Variants in PSMD12 observed in about 807,000 individuals in gnomAD.
PSMD12 encodes the protein 26S proteasome non-ATPase regulatory subunit 12.
In PSMD12, 8 loss-of-function variants were observed where a neutral mutation model predicts 62.9. The observed-to-expected ratio is 0.13, with a 90% CI of 0.07 to 0.23. The LOEUF (loss-of-function observed/expected upper bound fraction) is 0.23. PSMD12 is among the 10% of genes least tolerant of loss of function. The pLI is 1.00. For missense variants in PSMD12, 424 were observed against 550.2 expected (o/e 0.77, Z 2.29); for synonymous variants, 173 against 187.4 (o/e 0.92, Z 0.63).
chr17:67,348,676 A>G (rs767815766), intron 4 of PSMD12, 22 bp from the exon 5 acceptor site: 1 of 1,591,518 alleles, frequency 6.3e-7, no homozygotes, highest in South Asian at 1.1e-5. Flanking sequence ...AAATTTACAC[A>G]ATCAAAATTC....
chr17:67,357,770 G>A (rs539854288), intron 1 of PSMD12, among the ~76,000 whole-genome samples, 192 bp from the exon 2 acceptor site: 15 of 152,318 alleles, frequency 9.8e-5, no homozygotes, highest in African/African-American at 3.4e-4. Flanking sequence ...CCATCAGTCA[G>A]TGGTTCCCTA....
rs534906008 is a variant in PSMD12 at position 67,339,281 on chromosome 17, T to C, written c.*1562A>G. The C allele has an allele frequency of 7.3e-6, 1 of 136,408 alleles. No individual in the cohort carries two copies. Among genetic ancestry groups the C allele is most frequent in the South Asian group, 2.2e-4 (1 of 4,532 alleles). 8.4% of individuals were successfully genotyped at this position (136,408 alleles called of 1,614,324 possible). On this transcript the variant is annotated 3_prime_UTR_variant, in exon 11 of 11. Transcript: ENST00000356126. ...CGCCACCACGCCCGGCAAATTTTTG[T>C]ATTTTTTTTAGTAGAGACAGGGTTT...
intron 7 of PSMD12, among the ~76,000 whole-genome samples, chr17:67,346,107 A>C (rs977145002): frequency 2.0e-5 from 3 of 151,716 alleles, no homozygotes; most frequent in African/African-American, 7.3e-5. Flanking sequence ...ATAAAAAAAA[A>C]TTAGGCCGGG....
intron 1 of PSMD12, among the ~76,000 whole-genome samples, chr17:67,361,889 AAAAAAAAAAAAAAAAAAAAAGG>A (rs1196560628): frequency 8.4e-5 from 11 of 131,036 alleles, no homozygotes; most frequent in Non-Finnish European, 8.4e-5. Context: ...AAAAAAAAAA[AAAAAAAAAAAAAAAAAAAAAGG>A]AAGGAAGGAA....
intron 3 of PSMD12, chr17:67,355,385 C>T (rs1399696404): frequency 6.6e-6 from 1 of 152,202 alleles, no homozygotes; most frequent in South Asian, 2.1e-4. Context: ...ATCCACTGCA[C>T]TGAGCCAACA....
At chr17:67,365,031 T>C (rs1329252051) in intron 1 of PSMD12, among the ~76,000 whole-genome samples, 1 of 151,904 alleles carries the variant, frequency 6.6e-6, no homozygotes, top group Non-Finnish European at 1.5e-5. Context: ...CTACTAAAAG[T>C]ACAAAAATTA....
In PSMD12 at chr17:67,340,745, CAAAG is replaced by C. The variant is rs751604472; in HGVS notation, c.*94_*97del. 118 of 931,196 alleles carry C rather than the reference CAAAG, an allele frequency of 1.3e-4. No individual in the cohort carries two copies. Among genetic ancestry groups the C allele is most frequent in the Non-Finnish European group, 1.7e-4 (110 of 654,600 alleles). 57.7% of individuals were successfully genotyped at this position (931,196 alleles called of 1,614,324 possible). ...ATATTCACTATTTTAAAATTTAAGA[CAAAG>C]AAGCTTAGAAAAAAAACCCCAACAT... On this transcript the variant is annotated 3_prime_UTR_variant, in exon 11 of 11. Transcript: ENST00000356126.
chr17:67,349,723 G>A (rs1313953326), intron 4 of PSMD12, among the ~76,000 whole-genome samples: 1 of 152,156 alleles, frequency 6.6e-6, no homozygotes, highest in Non-Finnish European at 1.5e-5. Context: ...TATAAGTAAT[G>A]TTAGTAGATT....
Position 67,344,655 on chromosome 17 carries a change from T to C in PSMD12, c.1034A>G (p.Glu345Gly). ...GTCTTTCCACCTTTTTTCACCTTCC[T>C]CTGTAGAACCAAAAACATCCGTTGC... ...SPATDVFGST[E>G]EGEKRWKDLK... The change falls in exon 9 of 11, where the codon GAG becomes GGG. Residue 345 changes from glutamate (E) to glycine (G), a missense_variant. Physicochemically the swap from Glu to Gly is moderately conservative, Grantham distance 98 (BLOSUM62 -2). Transcript: ENST00000356126. 1 of 1,613,404 alleles carries C rather than the reference T, an allele frequency of 6.2e-7. No homozygotes were observed. Among genetic ancestry groups the C allele is most frequent in the Non-Finnish European group, 8.5e-7 (1 of 1,179,526 alleles).
At chr17:67,353,233 C>T (rs2042034714) in intron 3 of PSMD12, among the ~76,000 whole-genome samples, 1 of 152,158 alleles carries the variant, frequency 6.6e-6, no homozygotes, top group South Asian at 2.1e-4. Context: ...GAGTGACAGA[C>T]AATGAATATA....
In PSMD12 at chr17:67,344,985, A is replaced by C. The variant is rs554910873; in HGVS notation, c.909-205T>G. 7.2e-5 allele frequency among the ~76,000 whole-genome samples: 11 copies of C among 152,360 alleles called. No homozygotes were observed. The East Asian group carries it at 2.1e-3, about 29-fold the overall frequency. ...TCAGAATACAGCATTCTCCCACTTAACACTCTGCTCTCTTCTGCACTGTCA... is the reference window on the plus strand; with the variant it reads ...TCAGAATACAGCATTCTCCCACTTACCACTCTGCTCTCTTCTGCACTGTCA... On this transcript the variant is annotated intron_variant, in intron 8 of 10. Transcript: ENST00000356126.
At chr17:67,352,036 G>A (rs1248002947) in intron 3 of PSMD12, among the ~76,000 whole-genome samples, 4 of 146,584 alleles carry the variant, frequency 2.7e-5, no homozygotes, top group East Asian at 2.0e-4. Flanking sequence ...AGCCAAGATC[G>A]CACCACTGCA....
rs1278132359 is a variant in PSMD12 at position 67,338,032 on chromosome 17, AT to A, written c.*2810del. 5.9e-5 allele frequency: 9 copies of A among 152,254 alleles called. No individual in the cohort carries two copies. The highest frequency in any genetic ancestry group is 5.9e-4 in the Admixed American group (9 of 15,284). The allele number at this position is 152,254 out of a possible 1,614,324, so 9.4% of individuals were successfully genotyped here. A position where few individuals can be genotyped will look rare whatever the true frequency, so the allele number is the denominator to read the frequency against. ...AATTTAAAATATGTACTTTTATCACATTTAACACTTACAAGAGAGAAAATGG... is the reference window on the plus strand; with the variant it reads ...AATTTAAAATATGTACTTTTATCACATTAACACTTACAAGAGAGAAAATGG... On this transcript the variant is annotated 3_prime_UTR_variant, in exon 11 of 11. Transcript: ENST00000356126.
chr17:67,352,345 A>G (rs1358647438), intron 3 of PSMD12, among the ~76,000 whole-genome samples: 3 of 152,192 alleles, frequency 2.0e-5, no homozygotes, highest in Non-Finnish European at 2.9e-5. Context: ...TTTATCAATG[A>G]GAACAAGCAG....
In PSMD12 at chr17:67,366,397, C is replaced by T. The variant is rs770097910; in HGVS notation, c.108+15G>A. On this transcript the variant is annotated intron_variant, in intron 1 of 10. Transcript: ENST00000356126. ...GCCCCTGGCGCCCGCCAACAGCCAG[C>T]CGGCCTCTCCTCACCTTGGCTAGCT... 6.2e-7 allele frequency: 1 copy of T among 1,602,968 alleles called. No individual in the cohort carries two copies. Among genetic ancestry groups the T allele is most frequent in the Non-Finnish European group, 8.5e-7 (1 of 1,173,124 alleles).
intron 3 of PSMD12, among the ~76,000 whole-genome samples, chr17:67,354,826 C>A (rs1239802097): frequency 2.0e-5 from 3 of 151,580 alleles, no homozygotes; most frequent in African/African-American, 7.3e-5. Flanking sequence ...CCTGACTCTA[C>A]TGAAAATACA....
chr17:67,345,004 A>G (rs2041951236), intron 8 of PSMD12, among the ~76,000 whole-genome samples: 1 of 152,240 alleles, frequency 6.6e-6, no homozygotes, highest in Non-Finnish European at 1.5e-5. Flanking sequence ...TCTCTTCTGC[A>G]CTGTCAATTT....
chr17:67,350,957 T>C (rs954744075), intron 3 of PSMD12, among the ~76,000 whole-genome samples: 1 of 152,236 alleles, frequency 6.6e-6, no homozygotes, highest in African/African-American at 2.4e-5. Context: ...TATTCAACTC[T>C]GCCTCCTTAA....
Position 67,340,700 on chromosome 17 carries a change from G to A in PSMD12, c.*143C>T, listed in dbSNP as rs2041905028. 1 of 568,098 alleles carries A rather than the reference G, an allele frequency of 1.8e-6. No individual in the cohort carries two copies. Among genetic ancestry groups the A allele is most frequent in the Non-Finnish European group, 2.8e-6 (1 of 355,462 alleles). 35.2% of individuals were successfully genotyped at this position (568,098 alleles called of 1,614,324 possible). A position where few individuals can be genotyped will look rare whatever the true frequency, so the allele number is the denominator to read the frequency against. On this transcript the variant is annotated 3_prime_UTR_variant, in exon 11 of 11. Transcript: ENST00000356126. Reference sequence around the variant, plus strand: ...TAACAATGAACTTGGGGAACTGAAAGGTCAAAGGGAGTCTCAAACATATTC... The same window carrying A: ...TAACAATGAACTTGGGGAACTGAAAAGTCAAAGGGAGTCTCAAACATATTC...
Sources: allele counts gnomAD v4.1 joint callset (sites outside exome capture counted in the v4.1 genomes callset), GRCh38; gene constraint gnomAD v4.1.1; transcripts MANE v1.5; gene names NCBI Gene and HGNC (gene_info 2026-07-23, HGNC 2026-07-21).